The following PPP2R2B variants were observed in gnomAD, a reference collection of about 807,000 sequenced individuals.
PPP2R2B encodes serine/threonine-protein phosphatase 2A 55 kDa regulatory subunit B beta isoform.
PPP2R2B carries 5 observed loss-of-function variants against 46.0 expected under a neutral mutation model. That is an observed-to-expected ratio of 0.11 (90% CI 0.06 to 0.23). The LOEUF (loss-of-function observed/expected upper bound fraction) is 0.23, where lower values mean the gene tolerates loss of function less well. Among genes scored for constraint, PPP2R2B ranks in the 10% least tolerant of loss-of-function variants. The pLI, the probability that PPP2R2B is intolerant of heterozygous loss-of-function variation, is 1.00. For missense variants in PPP2R2B, 367 were observed against 575.0 expected, an observed-to-expected ratio of 0.64 and a Z score of 3.70; for synonymous variants, 215 against 206.7, an observed-to-expected ratio of 1.04 and a Z score of -0.34.
At chr5:146,704,898 A>C (rs955735162) in intron 2 of PPP2R2B, among the ~76,000 whole-genome samples, 1 of 152,212 alleles carries the variant, frequency 6.6e-6, no homozygotes, top group Admixed American at 6.5e-5. Flanking sequence ...GTTCATCCCT[A>C]GTCTCTTGCA....
At chr5:147,004,121 G>C (rs994378259) in intron 1 of PPP2R2B, among the ~76,000 whole-genome samples, 4 of 152,132 alleles carry the variant, frequency 2.6e-5, no homozygotes. Flanking sequence ...GACCTTGGTG[G>C]TTCAGAGAGG....
chr5:147,039,119 G>A (rs965156951), intron 1 of PPP2R2B, among the ~76,000 whole-genome samples: 3 of 152,122 alleles, frequency 2.0e-5, no homozygotes, highest in Admixed American at 6.5e-5. Context: ...TGGGCTCTTC[G>A]CATTGCTGAC....
chr5:146,651,481 A>G (rs1282407090), intron 5 of PPP2R2B, among the ~76,000 whole-genome samples: 1 of 152,230 alleles, frequency 6.6e-6, no homozygotes, highest in Non-Finnish European at 1.5e-5. Flanking sequence ...CTGGTGGATC[A>G]GAGAATCGGC....
At chr5:147,033,700 A>G (rs540817605) in intron 1 of PPP2R2B, among the ~76,000 whole-genome samples, 4 of 152,148 alleles carry the variant, frequency 2.6e-5, no homozygotes, top group South Asian at 2.1e-4. Flanking sequence ...TGCCACTCAT[A>G]TTTCCCTCAT....
chr5:146,910,558 A>G (rs1054531825), intron 1 of PPP2R2B, among the ~76,000 whole-genome samples: 18 of 152,210 alleles, frequency 1.2e-4, no homozygotes, highest in Admixed American at 3.9e-4. Context: ...CCTCATCTGC[A>G]AAAGGGTGAT....
At chr5:146,616,258 C>A (rs896589282) in intron 7 of PPP2R2B, among the ~76,000 whole-genome samples, 2 of 152,140 alleles carry the variant, frequency 1.3e-5, no homozygotes, top group Non-Finnish European at 2.9e-5. Flanking sequence ...AGACTTAAAT[C>A]TAAGACCTTA....
chr5:146,996,057 T>A (rs1753911274), intron 1 of PPP2R2B, among the ~76,000 whole-genome samples: 2 of 152,166 alleles, frequency 1.3e-5, no homozygotes, highest in East Asian at 3.9e-4. Flanking sequence ...AATCCTGGAA[T>A]AAGGATAAAC....
chr5:146,841,785 G>A (rs1306864383), intron 2 of PPP2R2B, among the ~76,000 whole-genome samples: 1 of 152,082 alleles, frequency 6.6e-6, no homozygotes, highest in Non-Finnish European at 1.5e-5. Context: ...CCTGTTGGGG[G>A]TTGGGGAGCT....
intron 1 of PPP2R2B, among the ~76,000 whole-genome samples, chr5:147,019,199 C>A (rs1432691631): frequency 1.3e-5 from 2 of 152,060 alleles, no homozygotes; most frequent in African/African-American, 4.8e-5. Context: ...CTGTTGATTT[C>A]AATATTGTTT....
chr5:146,797,279 A>T (rs1338777259), intron 2 of PPP2R2B, among the ~76,000 whole-genome samples: 1 of 152,200 alleles, frequency 6.6e-6, no homozygotes, highest in African/African-American at 2.4e-5. Flanking sequence ...ATTGCTTTTT[A>T]AAAAATCCAT....
At chr5:146,609,953 T>A (rs1208601035) in intron 7 of PPP2R2B, among the ~76,000 whole-genome samples, 2 of 144,832 alleles carry the variant, frequency 1.4e-5, no homozygotes, top group African/African-American at 5.5e-5. Context: ...CTTGCTTAGG[T>A]AAACAAAGCA....
chr5:146,767,784 A>G (rs942730985), intron 2 of PPP2R2B, among the ~76,000 whole-genome samples: 1 of 152,168 alleles, frequency 6.6e-6, no homozygotes, highest in Non-Finnish European at 1.5e-5. Flanking sequence ...CACTCTTCGC[A>G]TTGCACATTC....
intron 1 of PPP2R2B, among the ~76,000 whole-genome samples, chr5:146,911,276 G>A (rs181191337): frequency 0.012 from 1,844 of 152,236 alleles, 15 homozygotes; most frequent in Non-Finnish European, 0.02. Flanking sequence ...TAGAGACGGG[G>A]TTTCGCCATA....
At chr5:146,874,115 T>G (rs1235211520) in intron 2 of PPP2R2B, among the ~76,000 whole-genome samples, 2 of 152,240 alleles carry the variant, frequency 1.3e-5, no homozygotes, top group Non-Finnish European at 2.9e-5. Context: ...CTTTCCACCT[T>G]ATGACCCCAA....
intron 2 of PPP2R2B, among the ~76,000 whole-genome samples, chr5:146,814,572 T>C (rs960830919): frequency 2.0e-5 from 3 of 152,198 alleles, no homozygotes; most frequent in Non-Finnish European, 1.5e-5. Context: ...TGATAAGATC[T>C]CAGGAGTTGG....
chr5:147,060,572 G>A (rs990810550), upstream of PPP2R2B, among the ~76,000 whole-genome samples: 4 of 152,108 alleles, frequency 2.6e-5, no homozygotes, highest in Admixed American at 2.0e-4. Flanking sequence ...AGGCTGCCGT[G>A]ATCCACGTTC....
At chr5:146,600,568 G>T in intron 7 of PPP2R2B, 108 bp from the exon 8 acceptor site, 1 of 1,081,706 alleles carries the variant, frequency 9.2e-7, no homozygotes, top group Non-Finnish European at 1.3e-6. Flanking sequence ...TCTTAAGTAG[G>T]GCTGGTGTCT....
intron 1 of PPP2R2B, among the ~76,000 whole-genome samples, chr5:146,960,342 T>C (rs1387073217): frequency 6.6e-6 from 1 of 152,072 alleles, no homozygotes; most frequent in East Asian, 1.9e-4. Context: ...CAGGCTGGAG[T>C]GCAGTGGCAC....
chr5:146,686,325 A>G (rs1778497943), intron 5 of PPP2R2B, among the ~76,000 whole-genome samples: 1 of 152,190 alleles, frequency 6.6e-6, no homozygotes, highest in South Asian at 2.1e-4. Flanking sequence ...GAGCTAAGCA[A>G]AAAAGGGCAG....
Sources: allele counts gnomAD v4.1 joint callset (sites outside exome capture counted in the v4.1 genomes callset), GRCh38; gene constraint gnomAD v4.1.1; transcripts MANE v1.5; gene names NCBI Gene and HGNC (gene_info 2026-07-23, HGNC 2026-07-21).